The following SEMA4D variants were observed in gnomAD, a reference collection of about 807,000 sequenced individuals.
SEMA4D encodes semaphorin-4D.
A neutral mutation model predicts 74.8 loss-of-function variants in SEMA4D; 22 were observed. That is an observed-to-expected ratio of 0.29 (90% CI 0.21 to 0.42). SEMA4D has a LOEUF of 0.42. Among genes scored for constraint, SEMA4D ranks in the 10% least tolerant of loss-of-function variants. The probability of loss-of-function intolerance (pLI) is 1.00; values close to 1 mark genes in which losing one functional copy is unlikely to be tolerated. For missense variants in SEMA4D, 937 were observed against 1,118.4 expected (o/e 0.84, Z 2.31); for synonymous variants, 445 against 463.7 (o/e 0.96, Z 0.52).
At chr9:89,464,558 C>G (rs1291699973) in intron 1 of SEMA4D, among the ~76,000 whole-genome samples, 1 of 152,204 alleles carries the variant, frequency 6.6e-6, no homozygotes, top group East Asian at 1.9e-4. Flanking sequence ...GGAAGGGCAG[C>G]AACAGGTCCT....
At chr9:89,370,545 A>T (rs949662681) in intron 16 of SEMA4D, among the ~76,000 whole-genome samples, 3 of 134,102 alleles carry the variant, frequency 2.2e-5, no homozygotes, top group East Asian at 2.3e-4. Context: ...ATGTGGTGTG[A>T]GGGGGTGTGG....
intron 2 of SEMA4D, among the ~76,000 whole-genome samples, chr9:89,429,106 C>A (rs992596582): frequency 6.6e-6 from 1 of 152,230 alleles, no homozygotes; most frequent in African/African-American, 2.4e-5. Context: ...AGCTCCTTCC[C>A]CAAATGCAGG....
At chr9:89,433,204 T>C (rs764640680) in intron 2 of SEMA4D, among the ~76,000 whole-genome samples, 1 of 152,214 alleles carries the variant, frequency 6.6e-6, no homozygotes, top group Non-Finnish European at 1.5e-5. Flanking sequence ...GCCCCTGCTA[T>C]AGAGGCATGG....
At chr9:89,403,046 G>A (rs777588280) in intron 3 of SEMA4D, 30 bp from the exon 4 acceptor site, 12 of 1,592,146 alleles carry the variant, frequency 7.5e-6, no homozygotes, top group South Asian at 1.1e-5. Context: ...GGTCAGAGTG[G>A]GAGGAAGAAA....
In SEMA4D at chr9:89,482,700, A is replaced by G. The variant is rs72750931; in HGVS notation, c.-310+15219T>C. On this transcript the variant is annotated intron_variant, in intron 1 of 15. Transcript: ENST00000422704. ...ATGTAAGTGCTTGAAAAGGCTTCAG[A>G]GTAGTCCTGACACAAAATGTCTCAG... Among the ~76,000 whole-genome samples the G allele has an allele frequency of 9.8e-3, 1,489 of 152,292 alleles. 29 individuals carry two copies. Among genetic ancestry groups the G allele is most frequent in the South Asian group, 0.069 (334 of 4,820 alleles).
At position 89,387,571 on chromosome 9, in the gene SEMA4D, C is replaced by A; in HGVS notation, c.1145G>T (p.Ser382Ile). ...DSEARAANYTSSLNLPDKTLQ... is the reference protein window; with the variant it reads ...DSEARAANYTISLNLPDKTLQ... ...CGTCTTGTCTGGCAAATTCAAGGAG[C>A]TGGTGTAGTTGGCGGCCCGTGCCTC... Residue 382 changes from serine to isoleucine, a missense_variant, in exon 12 of 16, where the codon AGC (serine) becomes ATC (isoleucine). Physicochemically the swap from Ser to Ile is moderately radical, Grantham distance 142. Coordinates refer to ENST00000422704, the MANE Select transcript of SEMA4D (RefSeq NM_001371194.2). 6.2e-7 allele frequency: 1 copy of A among 1,614,230 alleles called. No individual in the cohort carries two copies. Among genetic ancestry groups the A allele is most frequent in the Non-Finnish European group, 8.5e-7 (1 of 1,180,038 alleles).
rs1016990440 is a variant in SEMA4D, at chr9:89,381,746, T to G, written c.1447-400A>C. The G allele has an allele frequency of 1.2e-5, 2 of 160,934 alleles. No individual in the cohort carries two copies. Among genetic ancestry groups the G allele is most frequent in the South Asian group, 3.9e-4 (2 of 5,162 alleles). The allele number at this position is 160,934 out of a possible 1,614,324, so 10.0% of individuals were successfully genotyped here. A position where few individuals can be genotyped will look rare whatever the true frequency, so the allele number is the denominator to read the frequency against. On this transcript the variant is annotated intron_variant, in intron 13 of 15. Coordinates refer to ENST00000422704, the MANE Select transcript of SEMA4D (RefSeq NM_001371194.2). The surrounding 1 kb of genome is among the most constrained non-coding windows in gnomAD (Gnocchi z 4.6). ...GTCATCTTCCCGGCCTCACTATAGG[T>G]GAGAAGGGGCTGCAGCCAGAGGCTG...
chr9:89,427,691 G>A (rs972266179), intron 2 of SEMA4D, among the ~76,000 whole-genome samples: 4 of 148,498 alleles, frequency 2.7e-5, no homozygotes, highest in Non-Finnish European at 5.9e-5. Flanking sequence ...CCAAGCCTAC[G>A]GGGCTACGGC....
intron 1 of SEMA4D, among the ~76,000 whole-genome samples, chr9:89,458,079 C>T (rs751875804): frequency 5.9e-5 from 9 of 152,056 alleles, no homozygotes; most frequent in Non-Finnish European, 1.2e-4. Flanking sequence ...GAGGAGGTGA[C>T]CTTGTGTGGA....
At chr9:89,453,176 G>A (rs1191777419) in intron 2 of SEMA4D, among the ~76,000 whole-genome samples, 1 of 152,218 alleles carries the variant, frequency 6.6e-6, no homozygotes, top group Non-Finnish European at 1.5e-5. Flanking sequence ...CCTCCAAGCA[G>A]TGGGGCACAC....
At chr9:89,362,236 C>A in exon 19 of SEMA4D, 1 of 1,194,694 alleles carries the variant, frequency 8.4e-7, no homozygotes, top group Non-Finnish European at 1.2e-6. Context: ...TCTCCACTGT[C>A]CCGCCTCTGC....
At chr9:89,410,096 G>C (rs1291089762) in intron 2 of SEMA4D, among the ~76,000 whole-genome samples, 2 of 151,814 alleles carry the variant, frequency 1.3e-5, no homozygotes, top group African/African-American at 4.8e-5. Context: ...GTGGGGTAAG[G>C]TGGGGGGTGC....
chr9:89,406,319 C>A (rs1843321779), intron 2 of SEMA4D, among the ~76,000 whole-genome samples: 1 of 152,216 alleles, frequency 6.6e-6, no homozygotes, highest in African/African-American at 2.4e-5. Context: ...GCTAGCTCTT[C>A]CAGTCTCACT....
chr9:89,494,810 G>C (rs558859538), intron 1 of SEMA4D, among the ~76,000 whole-genome samples: 1 of 151,958 alleles, frequency 6.6e-6, no homozygotes, highest in Non-Finnish European at 1.5e-5. Flanking sequence ...ACTAATCTGA[G>C]GCAGATCCCA....
At chr9:89,478,956 T>C (rs1347741129) in intron 1 of SEMA4D, among the ~76,000 whole-genome samples, 1 of 152,174 alleles carries the variant, frequency 6.6e-6, no homozygotes, top group Admixed American at 6.5e-5. Flanking sequence ...TCTGCTCCAA[T>C]GTCCAAGGAC....
chr9:89,368,295 G>C (rs1268819543), intron 16 of SEMA4D: 1 of 152,314 alleles, frequency 6.6e-6, no homozygotes. Flanking sequence ...AGTGCTGGCC[G>C]CTGGCCATCA....
At chr9:89,362,113 G>T (rs1350838174) in exon 19 of SEMA4D, 3 of 568,338 alleles carry the variant, frequency 5.3e-6, no homozygotes, top group East Asian at 5.8e-5. Flanking sequence ...AGCTATCAAA[G>T]CCTGTTAGCC....
intron 3 of SEMA4D, 93 bp from the exon 4 acceptor site, chr9:89,403,109 T>C: frequency 7.0e-7 from 1 of 1,420,032 alleles, no homozygotes; most frequent in Non-Finnish European, 9.7e-7. Flanking sequence ...CCTGTCTCAG[T>C]GACAATGAGC....
At chr9:89,461,753 A>G (rs1455244242) in intron 1 of SEMA4D, among the ~76,000 whole-genome samples, 2 of 127,016 alleles carry the variant, frequency 1.6e-5, no homozygotes, top group African/African-American at 3.0e-5. Flanking sequence ...CCCAGGCTGG[A>G]GTGCAGTGGT....
Sources: allele counts gnomAD v4.1 joint callset (sites outside exome capture counted in the v4.1 genomes callset), GRCh38; gene constraint gnomAD v4.1.1; non-coding constraint Gnocchi (gnomAD v3.1); transcripts MANE v1.5; gene names NCBI Gene and HGNC (gene_info 2026-07-23, HGNC 2026-07-21).